PDE9A: variants seen among roughly 807,000 people sequenced by gnomAD.
PDE9A encodes high affinity cGMP-specific 3',5'-cyclic phosphodiesterase 9A.
Under a neutral mutation model 87.4 loss-of-function variants are expected in PDE9A, and 60 were observed. That is an observed-to-expected ratio of 0.69 (90% CI 0.56 to 0.85). PDE9A has a LOEUF of 0.85. Ranked by LOEUF, PDE9A falls within the 40% of genes least tolerant of loss-of-function variation. The pLI is 0.00. For synonymous variants in PDE9A, 272 were observed against 279.4 expected, an observed-to-expected ratio of 0.97 and a Z score of 0.27; for missense variants, 665 against 779.0, an observed-to-expected ratio of 0.85 and a Z score of 1.74.
intron 3 of PDE9A, among the ~76,000 whole-genome samples, chr21:42,690,748 G>A (rs928928394): frequency 2.0e-5 from 3 of 151,954 alleles, no homozygotes; most frequent in Non-Finnish European, 4.4e-5. Context: ...CTTCTCCATG[G>A]TGGCCTCCCA....
chr21:42,661,770 AG>A, intron 1 of PDE9A, among the ~76,000 whole-genome samples: 1 of 152,338 alleles, frequency 6.6e-6, no homozygotes, highest in South Asian at 2.1e-4. Context: ...GAGTTCCCGA[AG>A]GCCTCTCCAC....
chr21:42,773,330 A>G (rs1282297675), intron 19 of PDE9A, among the ~76,000 whole-genome samples: 1 of 152,136 alleles, frequency 6.6e-6, no homozygotes, highest in Non-Finnish European at 1.5e-5. Context: ...AAAAACATCA[A>G]TAATTAGCAT....
At chr21:42,716,714 A>C (rs930737573) in intron 4 of PDE9A, among the ~76,000 whole-genome samples, 1 of 137,538 alleles carries the variant, frequency 7.3e-6, no homozygotes, top group African/African-American at 2.7e-5. Context: ...ATCTGCATAC[A>C]TTTTAAGCCC....
chr21:42,739,898 G>A lies in PDE9A; in HGVS notation c.569-3878G>A, dbSNP rs894944478. Among the ~76,000 whole-genome samples the A allele has an allele frequency of 1.3e-5, 2 of 152,106 alleles. No homozygotes were observed. Among genetic ancestry groups the A allele is most frequent in the Non-Finnish European group, 2.9e-5 (2 of 68,020 alleles). On this transcript the variant is annotated intron_variant, in intron 7 of 19. Transcript: ENST00000291539. This position sits in a 1 kb window ranked among gnomAD's most constrained non-coding sequence, Gnocchi z 4.1. ...GGTATTTATTTATCCTGCTCAGTAT[G>A]ATAAATAGCATTTTCCTCGGGGGAT...
chr21:42,656,298 G>A (rs542331363), intron 1 of PDE9A, among the ~76,000 whole-genome samples: 8 of 152,284 alleles, frequency 5.3e-5, no homozygotes, highest in South Asian at 2.1e-4. Flanking sequence ...GAGTCCTGGC[G>A]ATGGGCACAC....
At chr21:42,711,113 A>G (rs569058262) in intron 4 of PDE9A, among the ~76,000 whole-genome samples, 1 of 152,232 alleles carries the variant, frequency 6.6e-6, no homozygotes, top group South Asian at 2.1e-4. Flanking sequence ...TGTGGCAAAC[A>G]TTTTTCCCAA....
At chr21:42,738,738 T>G (rs1375707603) in intron 7 of PDE9A, among the ~76,000 whole-genome samples, 1 of 152,158 alleles carries the variant, frequency 6.6e-6, no homozygotes, top group African/African-American at 2.4e-5. Flanking sequence ...TGCAGTGGAG[T>G]GCAGTGGTGT....
chr21:42,656,581 C>T (rs1400881172), intron 1 of PDE9A, among the ~76,000 whole-genome samples: 1 of 128,312 alleles, frequency 7.8e-6, no homozygotes. Flanking sequence ...GCCGCTGCAG[C>T]CACTTGGCGC....
intron 3 of PDE9A, chr21:42,689,406 C>T (rs1042415474): frequency 5.8e-6 from 2 of 346,376 alleles, no homozygotes; most frequent in African/African-American, 4.5e-5. Flanking sequence ...CCCAGAGACT[C>T]CAGTAAGCAT....
At chr21:42,714,662 C>T (rs1025721789) in intron 4 of PDE9A, among the ~76,000 whole-genome samples, 27 of 141,382 alleles carry the variant, frequency 1.9e-4, no homozygotes, top group Non-Finnish European at 4.1e-4. Flanking sequence ...TTGATTAGCT[C>T]TCCCAGTCTT....
intron 3 of PDE9A, chr21:42,697,282 T>C: frequency 1.5e-6 from 1 of 661,134 alleles, no homozygotes; most frequent in Non-Finnish European, 2.7e-6. Context: ...TTTTTTCACA[T>C]TATTGGTGTT....
intron 1 of PDE9A, among the ~76,000 whole-genome samples, chr21:42,685,378 A>C (rs574129468): frequency 6.6e-6 from 1 of 151,680 alleles, no homozygotes; most frequent in East Asian, 1.9e-4. Flanking sequence ...GGCGCCCAGG[A>C]TCCTCAACGG....
In PDE9A at chr21:42,739,463, T is replaced by G. The variant is rs1343047257; in HGVS notation, c.569-4313T>G. On this transcript the variant is annotated intron_variant, in intron 7 of 19. Transcript: ENST00000291539. This position sits in a 1 kb window ranked among gnomAD's most constrained non-coding sequence, Gnocchi z 4.1. ...GACACAGGCACACACATCCACCACA[T>G]GCTCACCTCTGCCTCCTCCTGCAGA... Among the ~76,000 whole-genome samples the G allele has an allele frequency of 6.6e-6, 1 of 152,174 alleles. No homozygotes were observed. The highest frequency in any genetic ancestry group is 1.5e-5 in the Non-Finnish European group (1 of 68,012).
intron 1 of PDE9A, among the ~76,000 whole-genome samples, chr21:42,666,144 C>T (rs115973840): frequency 0.018 from 2,705 of 152,062 alleles, 93 homozygotes; most frequent in African/African-American, 0.061. Flanking sequence ...TGGCCACAAC[C>T]GAGAGGGCGT....
intron 19 of PDE9A, among the ~76,000 whole-genome samples, chr21:42,774,130 C>CA (rs1340231038): frequency 6.6e-6 from 1 of 151,858 alleles, no homozygotes; most frequent in African/African-American, 2.4e-5. Flanking sequence ...GACTCCATCT[C>CA]AAAAAAATAT....
chr21:42,744,983 C>T (rs1224950205), intron 8 of PDE9A, among the ~76,000 whole-genome samples: 2 of 152,224 alleles, frequency 1.3e-5, no homozygotes, highest in Admixed American at 6.5e-5. Flanking sequence ...CATGGTTCCC[C>T]AGAGTGCCAC....
chr21:42,728,255 T>C (rs182028575), intron 4 of PDE9A, among the ~76,000 whole-genome samples: 168 of 152,316 alleles, frequency 1.1e-3, no homozygotes, highest in African/African-American at 3.8e-3. Flanking sequence ...ATCCTTGGAT[T>C]TTGGCATCCT....
At chr21:42,740,748 A>ATAGATAGATAGG (rs1569229105) in intron 7 of PDE9A, among the ~76,000 whole-genome samples, 1 of 136,706 alleles carries the variant, frequency 7.3e-6, no homozygotes, top group East Asian at 2.2e-4. Context: ...AGATAGATAG[A>ATAGATAGATAGG]TAAACAGGAT....
In PDE9A at chr21:42,759,690, TGTG is replaced by T. The variant is rs1388958573; in HGVS notation, c.897+607_897+609del. Among the ~76,000 whole-genome samples, 1 of 149,078 alleles carries T rather than the reference TGTG, an allele frequency of 6.7e-6. No individual in the cohort carries two copies. Among genetic ancestry groups the T allele is most frequent in the Non-Finnish European group, 1.5e-5 (1 of 67,132 alleles). ...GGATGTGTGCATGTGTATATCTGGA[TGTG>T]GGGTGTGTCTGTGTGTGGGTGTGTG... On this transcript the variant is annotated intron_variant, in intron 11 of 19. Coordinates refer to ENST00000291539, the MANE Select transcript of PDE9A (RefSeq NM_002606.3). The surrounding 1 kb of genome is among the most constrained non-coding windows in gnomAD (Gnocchi z 7.2).
Sources: allele counts gnomAD v4.1 joint callset (sites outside exome capture counted in the v4.1 genomes callset), GRCh38; gene constraint gnomAD v4.1.1; non-coding constraint Gnocchi (gnomAD v3.1); transcripts MANE v1.5; gene names NCBI Gene and HGNC (gene_info 2026-07-23, HGNC 2026-07-21).